Variants in SMCHD1 observed in about 807,000 individuals in gnomAD.
SMCHD1 encodes the protein structural maintenance of chromosomes flexible hinge domain containing 1.
Under a neutral mutation model 254.7 loss-of-function variants are expected in SMCHD1, and 78 were observed. The observed-to-expected ratio is 0.31, with a 90% CI of 0.26 to 0.37. The LOEUF is 0.37. SMCHD1 is among the 10% of genes least tolerant of loss of function. The pLI is 1.00. For missense variants in SMCHD1, 1,840 were observed against 2,408.1 expected (o/e 0.76, Z 4.94); for synonymous variants, 766 against 794.9 (o/e 0.96, Z 0.61).
At chr18:2,708,907 T>TATATATAAC (rs769432583) in intron 17 of SMCHD1, among the ~76,000 whole-genome samples, 1 of 44,702 alleles carries the variant, frequency 2.2e-5, no homozygotes, top group Non-Finnish European at 4.0e-5. Context: ...TATATATATA[T>TATATATAAC]AACATATTAA....
At chr18:2,754,736 GAAGGGCCCATCTTGCA>G (rs1568315605) in intron 34 of SMCHD1, among the ~76,000 whole-genome samples, 2 of 152,112 alleles carry the variant, frequency 1.3e-5, no homozygotes, top group African/African-American at 4.8e-5. Context: ...AGATGTCTGC[GAAGGGCCCATCTTGCA>G]AGCAGACAAG....
At chr18:2,681,510 A>G (rs140213529) in intron 5 of SMCHD1, among the ~76,000 whole-genome samples, 11 of 146,970 alleles carry the variant, frequency 7.5e-5, no homozygotes, top group African/African-American at 2.7e-4. Flanking sequence ...GCTTGAGACT[A>G]GGAGGTCGAG....
intron 41 of SMCHD1, among the ~76,000 whole-genome samples, chr18:2,775,142 A>G (rs975470813): frequency 7.5e-6 from 1 of 133,046 alleles, no homozygotes; most frequent in Non-Finnish European, 1.5e-5. Context: ...GCAGTGGCAC[A>G]ATCTCGGCTC....
chr18:2,780,014 G>A (rs1276105229), intron 44 of SMCHD1, among the ~76,000 whole-genome samples: 3 of 151,932 alleles, frequency 2.0e-5, no homozygotes, highest in South Asian at 2.1e-4. Context: ...CCAAGGTAGG[G>A]GATCATTTGA....
intron 45 of SMCHD1, among the ~76,000 whole-genome samples, chr18:2,792,503 G>C (rs1357585412): frequency 1.3e-5 from 2 of 152,150 alleles, no homozygotes; most frequent in South Asian, 2.1e-4. Context: ...GACTGCACAG[G>C]GTTCAGTAGT....
rs1196053543 is a variant in SMCHD1 at position 2,728,452 on chromosome 18, G to C, written c.2774-5G>C. ...TATGTATTTCATTGTATAATTTACT[G>C]TTAGGTCACCCTCGTCGACTGAAAG... On this transcript the variant is annotated splice_polypyrimidine_tract_variant and splice_region_variant and intron_variant, in intron 22 of 47. Coordinates refer to ENST00000320876, the MANE Select transcript of SMCHD1 (RefSeq NM_015295.3). The C allele has an allele frequency of 1.2e-6, 2 of 1,611,646 alleles. No homozygotes were observed. The highest frequency in any genetic ancestry group is 2.7e-5 in the African/African-American group (2 of 74,808).
chr18:2,656,732 A>G (rs921797436), intron 1 of SMCHD1, among the ~76,000 whole-genome samples: 7 of 152,178 alleles, frequency 4.6e-5, no homozygotes, highest in African/African-American at 1.4e-4. Flanking sequence ...CCCCAAGTTC[A>G]TTAGATGATG....
chr18:2,742,904 G>A (rs1404752171), intron 28 of SMCHD1, among the ~76,000 whole-genome samples: 1 of 152,046 alleles, frequency 6.6e-6, no homozygotes, highest in Admixed American at 6.6e-5. Context: ...CGTGAACTGG[G>A]CTCAAGGGAT....
At chr18:2,798,289 A>G (rs1377273128) in intron 47 of SMCHD1, among the ~76,000 whole-genome samples, 1 of 152,244 alleles carries the variant, frequency 6.6e-6, no homozygotes, top group African/African-American at 2.4e-5. Context: ...TCACACATGT[A>G]GGCATGTGAA....
intron 2 of SMCHD1, among the ~76,000 whole-genome samples, chr18:2,666,520 C>CT (rs1443053837): frequency 6.6e-6 from 1 of 152,128 alleles, no homozygotes; most frequent in Non-Finnish European, 1.5e-5. Flanking sequence ...ATTCCATTAT[C>CT]TTTTTTTAAC....
At chr18:2,801,346 T>A (rs964058881) in intron 47 of SMCHD1, 1 of 152,298 alleles carries the variant, frequency 6.6e-6, no homozygotes, top group East Asian at 1.9e-4. Flanking sequence ...CACAAAGCTA[T>A]CATTTGTTTA....
chr18:2,770,866 C>T (rs912352664), intron 39 of SMCHD1, among the ~76,000 whole-genome samples: 11 of 152,270 alleles, frequency 7.2e-5, no homozygotes, highest in Non-Finnish European at 1.3e-4. Flanking sequence ...AGTGATCTGC[C>T]CACCTTGGCC....
intron 45 of SMCHD1, 69 bp downstream of exon 45, chr18:2,784,690 G>C: frequency 7.1e-7 from 1 of 1,417,008 alleles, no homozygotes. Flanking sequence ...AAGAGCTTAT[G>C]TTTTGAGAAT....
chr18:2,767,176 T>G (rs1322192705), intron 37 of SMCHD1, among the ~76,000 whole-genome samples: 1 of 151,480 alleles, frequency 6.6e-6, no homozygotes, highest in Non-Finnish European at 1.5e-5. Context: ...GAAGATAGCT[T>G]AAGCCTGAGA....
At chr18:2,682,270 A>G (rs143264077) in intron 5 of SMCHD1, among the ~76,000 whole-genome samples, 137 of 151,142 alleles carry the variant, frequency 9.1e-4, no homozygotes, top group Non-Finnish European at 1.7e-3. Flanking sequence ...TTCTTTTACT[A>G]ATTTGATCCT....
At chr18:2,693,793 G>C (rs113925900) in intron 7 of SMCHD1, among the ~76,000 whole-genome samples, 141 of 152,186 alleles carry the variant, frequency 9.3e-4, no homozygotes, top group African/African-American at 3.2e-3. Context: ...CACCACGCCT[G>C]GCTACTTTTG....
At chr18:2,701,079 T>A in intron 12 of SMCHD1, 161 bp downstream of exon 12, 1 of 494,228 alleles carries the variant, frequency 2.0e-6, no homozygotes, top group Non-Finnish European at 3.4e-6. Context: ...CTAAAAAATT[T>A]AAAGCTAATT....
chr18:2,707,437 A>T, intron 15 of SMCHD1, 126 bp from the exon 16 acceptor site: 1 of 513,828 alleles, frequency 1.9e-6, no homozygotes, highest in South Asian at 5.5e-5. Flanking sequence ...ATCGTAAAGA[A>T]TTCCAGATTT....
At chr18:2,677,623 A>T (rs774748514) in intron 5 of SMCHD1, among the ~76,000 whole-genome samples, 1 of 152,122 alleles carries the variant, frequency 6.6e-6, no homozygotes, top group Non-Finnish European at 1.5e-5. Flanking sequence ...TCCTTTTAAT[A>T]GTTTTGTTTT....
Sources: allele counts gnomAD v4.1 joint callset (sites outside exome capture counted in the v4.1 genomes callset), GRCh38; gene constraint gnomAD v4.1.1; transcripts MANE v1.5; gene names NCBI Gene and HGNC (gene_info 2026-07-23, HGNC 2026-07-21).